LRBA: variants seen among roughly 807,000 people sequenced by gnomAD.
LRBA encodes the protein LPS responsive beige-like anchor protein.
LRBA carries 176 observed loss-of-function variants against 330.0 expected under a neutral mutation model. The ratio of observed to expected loss-of-function variants is 0.53; its 90% confidence interval spans 0.47 to 0.60. The LOEUF (loss-of-function observed/expected upper bound fraction) is 0.60, where lower values mean the gene tolerates loss of function less well. Ranked by LOEUF, LRBA falls within the 20% of genes least tolerant of loss-of-function variation. The pLI is 0.00. For synonymous variants in LRBA, 1,230 were observed against 1,193.0 expected (o/e 1.03, Z -0.64); for missense variants, 3,259 against 3,444.8 (o/e 0.95, Z 1.35).
chr4:151,013,768 T>C (rs1372072243), intron 2 of LRBA: 1 of 145,040 alleles, frequency 6.9e-6, no homozygotes, highest in Non-Finnish European at 1.5e-5. Flanking sequence ...TGACTAACTA[T>C]GCTTTCCTGC....
intron 53 of LRBA, among the ~76,000 whole-genome samples, chr4:150,286,273 AG>A (rs909311869): frequency 1.4e-4 from 21 of 152,362 alleles, no homozygotes; most frequent in African/African-American, 5.1e-4. Flanking sequence ...TTGAAAACTC[AG>A]GGTTAAATAC....
chr4:150,777,080 TG>T (rs1737467298), intron 34 of LRBA, among the ~76,000 whole-genome samples: 1 of 149,570 alleles, frequency 6.7e-6, no homozygotes, highest in African/African-American at 2.5e-5. Context: ...TTGTTGTTGT[TG>T]TTGTTGTTGT....
chr4:150,941,712 C>T (rs1181141324), intron 2 of LRBA, among the ~76,000 whole-genome samples: 3 of 151,992 alleles, frequency 2.0e-5, no homozygotes, highest in African/African-American at 7.2e-5. Context: ...CATGGGGGAA[C>T]CCCGTCTCTA....
At chr4:150,850,045 A>AT (rs989013450) in intron 24 of LRBA, among the ~76,000 whole-genome samples, 5 of 151,990 alleles carry the variant, frequency 3.3e-5, no homozygotes, top group South Asian at 4.2e-4. Context: ...AAGTACACAG[A>AT]TTTTTTTTAA....
intron 56 of LRBA, among the ~76,000 whole-genome samples, chr4:150,267,797 T>A (rs969301730): frequency 1.3e-5 from 2 of 152,150 alleles, no homozygotes; most frequent in Non-Finnish European, 2.9e-5. Context: ...TGGTGGATCA[T>A]GCCTGTAATC....
At chr4:150,424,975 A>G (rs1338002978) in intron 46 of LRBA, among the ~76,000 whole-genome samples, 1 of 152,240 alleles carries the variant, frequency 6.6e-6, no homozygotes, top group African/African-American at 2.4e-5. Flanking sequence ...CTCAACTGAT[A>G]TATACCAATA....
intron 48 of LRBA, among the ~76,000 whole-genome samples, chr4:150,329,312 G>C (rs1733693375): frequency 6.6e-6 from 1 of 152,130 alleles, no homozygotes; most frequent in Admixed American, 6.6e-5. Context: ...AAGATTGTAA[G>C]GTAATGACTA....
intron 2 of LRBA, among the ~76,000 whole-genome samples, chr4:150,972,511 T>C (rs2149588396): frequency 6.6e-6 from 1 of 152,326 alleles, no homozygotes; most frequent in South Asian, 2.1e-4. Context: ...CCTGACTTGA[T>C]CATTATACAT....
chr4:150,700,209 A>G (rs2126991831), intron 36 of LRBA, among the ~76,000 whole-genome samples: 1 of 152,312 alleles, frequency 6.6e-6, no homozygotes, highest in Admixed American at 6.5e-5. Context: ...TAACAATGAT[A>G]GAAAACAGAA....
At chr4:150,985,441 G>A (rs1741342043) in intron 2 of LRBA, among the ~76,000 whole-genome samples, 1 of 150,658 alleles carries the variant, frequency 6.6e-6, no homozygotes, top group Non-Finnish European at 1.5e-5. Flanking sequence ...TTTTAGCCAA[G>A]ATAAAAATTT....
intron 2 of LRBA, among the ~76,000 whole-genome samples, chr4:150,959,294 G>A (rs1737880572): frequency 6.7e-6 from 1 of 148,954 alleles, no homozygotes; most frequent in Admixed American, 6.6e-5. Flanking sequence ...AAGAGCAGGG[G>A]AAAAACCCAC....
chr4:150,791,208 C>T (rs1369100014), intron 34 of LRBA, among the ~76,000 whole-genome samples: 1 of 152,092 alleles, frequency 6.6e-6, no homozygotes, highest in Non-Finnish European at 1.5e-5. Context: ...ATGCTTCAGC[C>T]CCAGTAGCGG....
intron 16 of LRBA, among the ~76,000 whole-genome samples, chr4:150,896,051 T>G (rs936498006): frequency 6.6e-6 from 1 of 152,218 alleles, no homozygotes; most frequent in African/African-American, 2.4e-5. Context: ...TGTTATGAAT[T>G]TTTAAAACCT....
At chr4:150,524,105 A>G (rs540505157) in intron 40 of LRBA, among the ~76,000 whole-genome samples, 1 of 152,318 alleles carries the variant, frequency 6.6e-6, no homozygotes, top group East Asian at 1.9e-4. Context: ...AAGCTTTGTT[A>G]AGACAAGTAC....
rs1746389684 is a variant in LRBA at position 150,827,097 on chromosome 4, A to G, written c.5171+1083T>C. On this transcript the variant is annotated intron_variant, in intron 30 of 56. Transcript: ENST00000651943. ...AACTAACAGATACCACAAGAACAGA[A>G]GGATCAACAGAGGGAAAACAATTTG... Among the ~76,000 whole-genome samples, 3 of 152,212 alleles carry G rather than the reference A, an allele frequency of 2.0e-5. No individual in the cohort carries two copies. In the South Asian group the frequency reaches 6.2e-4, roughly 32 times the overall value.
At chr4:150,456,973 C>A (rs11721723) in intron 44 of LRBA, among the ~76,000 whole-genome samples, 1 of 151,858 alleles carries the variant, frequency 6.6e-6, no homozygotes. Context: ...AAAAATGAGT[C>A]CACTGTAGGT....
At position 150,264,761 on chromosome 4, in the gene LRBA, C is replaced by G. The variant is rs1438865222; in HGVS notation, c.*961G>C. Reference sequence around the variant, plus strand: ...CTACTAGAAAAGTAGAATTATACACCACCAAATAACATTGTTTCGTTTCTT... The same window carrying G: ...CTACTAGAAAAGTAGAATTATACACGACCAAATAACATTGTTTCGTTTCTT... On this transcript the variant is annotated 3_prime_UTR_variant, in exon 57 of 57. Transcript: ENST00000651943. 2 of 152,638 alleles carry G rather than the reference C, an allele frequency of 1.3e-5. No homozygotes were observed. Among genetic ancestry groups the G allele is most frequent in the Non-Finnish European group, 2.9e-5 (2 of 68,040 alleles). The allele number at this position is 152,638 out of a possible 1,614,324, so 9.5% of individuals were successfully genotyped here. A position where few individuals can be genotyped will look rare whatever the true frequency, so the allele number is the denominator to read the frequency against.
intron 48 of LRBA, among the ~76,000 whole-genome samples, chr4:150,329,840 AC>A (rs1454808552): frequency 3.3e-5 from 5 of 152,198 alleles, no homozygotes; most frequent in Non-Finnish European, 5.9e-5. Flanking sequence ...TAAAAATTTT[AC>A]CTGTTTCACA....
chr4:150,711,539 G>T (rs1011713196), intron 36 of LRBA, among the ~76,000 whole-genome samples: 1 of 152,070 alleles, frequency 6.6e-6, no homozygotes, highest in Admixed American at 6.6e-5. Flanking sequence ...CACCCAGCTG[G>T]AAGTTAAATT....
Sources: allele counts gnomAD v4.1 joint callset (sites outside exome capture counted in the v4.1 genomes callset), GRCh38; gene constraint gnomAD v4.1.1; transcripts MANE v1.5; gene names NCBI Gene and HGNC (gene_info 2026-07-23, HGNC 2026-07-21).